Variants in STPG2 observed in about 807,000 individuals in gnomAD.
STPG2 encodes the protein sperm-tail PG-rich repeat-containing protein 2.
STPG2 carries 56 observed loss-of-function variants against 54.2 expected under a neutral mutation model. The observed-to-expected ratio is 1.03, with a 90% confidence interval of 0.83 to 1.29. The LOEUF is 1.29. Ranked by LOEUF, STPG2 falls within the 50% of genes most tolerant of loss-of-function variation. STPG2 has a pLI of 0.00. For missense variants in STPG2, 596 were observed against 544.9 expected, an observed-to-expected ratio of 1.09 and a Z score of -0.93; for synonymous variants, 200 against 181.8, an observed-to-expected ratio of 1.10 and a Z score of -0.81.
At chr4:97,711,221 T>C (rs1401441305) in intron 10 of STPG2, among the ~76,000 whole-genome samples, 1 of 152,128 alleles carries the variant, frequency 6.6e-6, no homozygotes, top group Non-Finnish European at 1.5e-5. Context: ...AGATGTAATA[T>C]GATTTAATAT....
At chr4:98,108,502 TGACTGA>T in intron 4 of STPG2, among the ~76,000 whole-genome samples, 1 of 152,276 alleles carries the variant, frequency 6.6e-6, no homozygotes, top group East Asian at 1.9e-4. Context: ...GGACTTACAC[TGACTGA>T]GAATGCCTTC....
intron 5 of STPG2, among the ~76,000 whole-genome samples, chr4:98,077,283 G>A (rs1232077416): frequency 2.0e-5 from 3 of 151,554 alleles, no homozygotes; most frequent in South Asian, 2.1e-4. Context: ...CCCCTCTGTC[G>A]CCCAAGCTGG....
intron 8 of STPG2, among the ~76,000 whole-genome samples, chr4:97,926,653 G>A (rs1732342112): frequency 6.6e-6 from 1 of 152,088 alleles, no homozygotes; most frequent in African/African-American, 2.4e-5. Context: ...TCCTCTGCAA[G>A]ACAAAGGAGC....
intron 5 of STPG2, among the ~76,000 whole-genome samples, chr4:97,984,072 T>A (rs1578755738): frequency 6.6e-6 from 1 of 152,006 alleles, no homozygotes; most frequent in African/African-American, 2.4e-5. Flanking sequence ...ACTTGTGATA[T>A]TCTAAGATAG....
At chr4:98,001,767 CT>C (rs1239839264) in intron 5 of STPG2, among the ~76,000 whole-genome samples, 1 of 152,050 alleles carries the variant, frequency 6.6e-6, no homozygotes, top group Non-Finnish European at 1.5e-5. Context: ...TTATTAAATT[CT>C]TTTGTTCACT....
At chr4:98,021,116 G>T (rs975780049) in intron 5 of STPG2, among the ~76,000 whole-genome samples, 2 of 151,536 alleles carry the variant, frequency 1.3e-5, no homozygotes, top group Non-Finnish European at 2.9e-5. Context: ...ATGTTAGGGT[G>T]TCAATTTTAG....
chr4:97,673,579 C>G (rs933068775), intron 10 of STPG2, among the ~76,000 whole-genome samples: 2 of 152,136 alleles, frequency 1.3e-5, no homozygotes, highest in East Asian at 3.9e-4. Context: ...CCCCTTCTTT[C>G]AAAAGTCTTC....
intron 10 of STPG2, among the ~76,000 whole-genome samples, chr4:97,629,210 G>T (rs1721170585): frequency 1.3e-5 from 2 of 151,914 alleles, no homozygotes; most frequent in Admixed American, 1.3e-4. Flanking sequence ...ATCATATGTT[G>T]TTGAAAGAGC....
intron 5 of STPG2, among the ~76,000 whole-genome samples, chr4:97,987,363 T>C (rs1734861004): frequency 6.6e-6 from 1 of 152,212 alleles, no homozygotes; most frequent in Non-Finnish European, 1.5e-5. Context: ...CTAAAAAATT[T>C]TGTACTGTCT....
chr4:97,823,682 C>A (rs192234820), intron 9 of STPG2, among the ~76,000 whole-genome samples: 1 of 152,030 alleles, frequency 6.6e-6, no homozygotes, highest in Admixed American at 6.5e-5. Context: ...ATCTTTCTGG[C>A]GAACCACAGA....
intron 5 of STPG2, among the ~76,000 whole-genome samples, chr4:98,023,670 G>T (rs1401515377): frequency 6.6e-6 from 1 of 152,142 alleles, no homozygotes; most frequent in African/African-American, 2.4e-5. Context: ...CTTGAGCTGT[G>T]GTGGGCTCCA....
intron 9 of STPG2, among the ~76,000 whole-genome samples, chr4:97,807,944 C>T (rs1007067910): frequency 6.6e-6 from 1 of 151,910 alleles, no homozygotes; most frequent in Admixed American, 6.6e-5. Flanking sequence ...TTTAAATAGA[C>T]AGTATTTAGA....
At chr4:97,977,309 C>T (rs996090480) in intron 6 of STPG2, among the ~76,000 whole-genome samples, 1 of 152,132 alleles carries the variant, frequency 6.6e-6, no homozygotes, top group African/African-American at 2.4e-5. Flanking sequence ...ATTGCTATAA[C>T]TCATAAACCA....
chr4:97,596,908 A>G (rs780240392), intron 10 of STPG2, among the ~76,000 whole-genome samples: 66 of 152,060 alleles, frequency 4.3e-4, no homozygotes, highest in African/African-American at 1.2e-3. Flanking sequence ...ACAAGAAATA[A>G]CCAAAATCAG....
At chr4:98,114,012 C>T (rs546411583) in intron 3 of STPG2, among the ~76,000 whole-genome samples, 18 of 151,422 alleles carry the variant, frequency 1.2e-4, no homozygotes, top group East Asian at 3.9e-4. Context: ...TAAAAGAGCA[C>T]GGAGAAACCC....
chr4:97,760,743 C>A (rs908169669), intron 9 of STPG2, among the ~76,000 whole-genome samples: 1 of 152,162 alleles, frequency 6.6e-6, no homozygotes, highest in Non-Finnish European at 1.5e-5. Context: ...GCTGCTGTAA[C>A]AAACTACCAC....
intron 4 of STPG2, among the ~76,000 whole-genome samples, chr4:97,510,952 A>G (rs1730958793): frequency 6.6e-6 from 1 of 152,122 alleles, no homozygotes; most frequent in South Asian, 2.1e-4. Context: ...TGGGCAACAG[A>G]GCAAACTCCC....
At chr4:97,631,116 G>C (rs567299244) in intron 10 of STPG2, among the ~76,000 whole-genome samples, 19 of 151,944 alleles carry the variant, frequency 1.3e-4, no homozygotes, top group Admixed American at 9.8e-4. Flanking sequence ...TTAAAGAATT[G>C]ATTTTCTATT....
chr4:97,633,149 TTATAA>T (rs1363078554), intron 10 of STPG2, among the ~76,000 whole-genome samples: 1 of 152,198 alleles, frequency 6.6e-6, no homozygotes, highest in Non-Finnish European at 1.5e-5. Flanking sequence ...ATTTACATTC[TTATAA>T]TAATATAATA....
Sources: gnomAD v4.1 joint callset for allele counts (sites outside exome capture counted in the v4.1 genomes callset) on GRCh38, gnomAD v4.1.1 for gene constraint, MANE v1.5 for transcripts, NCBI Gene and HGNC (gene_info 2026-07-23, HGNC 2026-07-21) for gene names.